The following SCFD2 variants were observed in gnomAD, a reference collection of about 807,000 sequenced individuals.
The protein encoded by SCFD2 is sec1 family domain-containing protein 2.
In SCFD2, 54 loss-of-function variants were observed where a neutral mutation model predicts 58.9. The observed-to-expected ratio is 0.92, with a 90% confidence interval of 0.74 to 1.15. SCFD2 has a LOEUF of 1.15. SCFD2 is among the 50% of genes most tolerant of loss of function. The probability of loss-of-function intolerance (pLI) is 0.00; values close to 1 mark genes in which losing one functional copy is unlikely to be tolerated. For synonymous variants in SCFD2, 321 were observed against 335.9 expected (o/e 0.96, Z 0.49); for missense variants, 805 against 836.6 (o/e 0.96, Z 0.47).
At chr4:53,255,844 G>T (rs1730595516) in intron 4 of SCFD2, among the ~76,000 whole-genome samples, 1 of 149,478 alleles carries the variant, frequency 6.7e-6, no homozygotes, top group African/African-American at 2.5e-5. Flanking sequence ...GCGGGGGGCT[G>T]ACCCCCCCAC....
At chr4:52,935,984 T>C (rs1211796959) in intron 5 of SCFD2, among the ~76,000 whole-genome samples, 3 of 152,064 alleles carry the variant, frequency 2.0e-5, no homozygotes, top group East Asian at 3.9e-4. Context: ...ATTACAGGCA[T>C]GCACCACCAC....
chr4:53,246,293 C>T (rs1402517245), intron 4 of SCFD2, among the ~76,000 whole-genome samples: 1 of 152,128 alleles, frequency 6.6e-6, no homozygotes, highest in Non-Finnish European at 1.5e-5. Flanking sequence ...AGATTCAATG[C>T]TATTTCTATC....
At chr4:53,115,152 AATGTAAGTG>A (rs1725285193) in intron 5 of SCFD2, among the ~76,000 whole-genome samples, 1 of 152,136 alleles carries the variant, frequency 6.6e-6, no homozygotes, top group East Asian at 1.9e-4. Flanking sequence ...AGTTACAATA[AATGTAAGTG>A]GTCTACACAC....
At chr4:53,257,929 A>G (rs1166403091) in intron 4 of SCFD2, among the ~76,000 whole-genome samples, 1 of 152,218 alleles carries the variant, frequency 6.6e-6, no homozygotes, top group Non-Finnish European at 1.5e-5. Flanking sequence ...CAGGATCAAT[A>G]AAGAAAAAAA....
At chr4:53,001,792 T>C (rs1255406420) in intron 5 of SCFD2, among the ~76,000 whole-genome samples, 1 of 152,254 alleles carries the variant, frequency 6.6e-6, no homozygotes, top group Non-Finnish European at 1.5e-5. Context: ...TTGTGCTAGA[T>C]ACTTTACCTA....
chr4:52,982,305 G>A (rs1248123608), intron 5 of SCFD2, among the ~76,000 whole-genome samples: 1 of 152,176 alleles, frequency 6.6e-6, no homozygotes, highest in Non-Finnish European at 1.5e-5. Context: ...TTGTGATGTA[G>A]TTTGTACACG....
In SCFD2 at chr4:52,962,890, T is replaced by C. The variant is rs183087343; in HGVS notation, c.1562-42020A>G. 1.6e-4 allele frequency among the ~76,000 whole-genome samples: 24 copies of C among 152,324 alleles called. No individual in the cohort carries two copies. The East Asian group carries it at 4.6e-3, about 29-fold the overall frequency. On this transcript the variant is annotated intron_variant, in intron 5 of 8. Coordinates refer to ENST00000401642, the MANE Select transcript of SCFD2 (RefSeq NM_152540.4). ...TACTATCATGGTCATTGTGAATCTT[T>C]CTTTTCCAAATTAATTATCTCTGTG...
intron 5 of SCFD2, among the ~76,000 whole-genome samples, chr4:53,095,844 A>G (rs1724609335): frequency 6.6e-6 from 1 of 151,702 alleles, no homozygotes; most frequent in South Asian, 2.1e-4. Context: ...TACATTAGGT[A>G]TATATCCTAA....
intron 5 of SCFD2, among the ~76,000 whole-genome samples, chr4:53,140,392 A>AATATATATATATATATATATATATATAT (rs1553880149): frequency 2.1e-5 from 2 of 97,496 alleles, no homozygotes; most frequent in Non-Finnish European, 4.0e-5. Context: ...CAAAAATGCT[A>AATATATATATATATATATATATATATAT]ATATATATAT....
chr4:53,324,710 G>A (rs190795370), intron 2 of SCFD2, among the ~76,000 whole-genome samples: 38 of 152,166 alleles, frequency 2.5e-4, no homozygotes, highest in African/African-American at 7.0e-4. Context: ...CTGGTTGTCC[G>A]GTACATGGCG....
chr4:53,165,512 C>T (rs1317097604), intron 4 of SCFD2, among the ~76,000 whole-genome samples: 1 of 152,146 alleles, frequency 6.6e-6, no homozygotes, highest in Non-Finnish European at 1.5e-5. Flanking sequence ...CCCTACATGA[C>T]CAGCTTTGCC....
intron 4 of SCFD2, among the ~76,000 whole-genome samples, chr4:53,179,782 C>T (rs1727479402): frequency 6.6e-6 from 1 of 151,992 alleles, no homozygotes; most frequent in South Asian, 2.1e-4. Context: ...CACACATAGG[C>T]TCAAAATAAA....
chr4:53,250,247 C>A (rs34426398), intron 4 of SCFD2, among the ~76,000 whole-genome samples: 1 of 151,514 alleles, frequency 6.6e-6, no homozygotes, highest in East Asian at 1.9e-4. Context: ...ACAAGAAGAA[C>A]TAACTATCCT....
intron 6 of SCFD2, among the ~76,000 whole-genome samples, chr4:52,908,497 C>G (rs1305361855): frequency 6.6e-6 from 1 of 152,156 alleles, no homozygotes; most frequent in Non-Finnish European, 1.5e-5. Flanking sequence ...ACTCTCTGAT[C>G]TATTATAGCT....
intron 5 of SCFD2, among the ~76,000 whole-genome samples, chr4:53,040,541 T>C (rs1313482946): frequency 6.6e-6 from 1 of 152,162 alleles, no homozygotes; most frequent in Non-Finnish European, 1.5e-5. Context: ...CTTGCTAGTC[T>C]GTAAAATGGA....
intron 3 of SCFD2, among the ~76,000 whole-genome samples, chr4:53,299,549 C>T (rs574297794): frequency 3.2e-3 from 494 of 152,030 alleles, no homozygotes; most frequent in African/African-American, 0.011. Context: ...GAGAACTTCC[C>T]CAATCTAGCA....
chr4:53,299,310 G>C (rs1258388620), intron 3 of SCFD2, among the ~76,000 whole-genome samples: 1 of 152,238 alleles, frequency 6.6e-6, no homozygotes, highest in Non-Finnish European at 1.5e-5. Context: ...AAAAGCCTCA[G>C]TAACTGATGT....
intron 5 of SCFD2, among the ~76,000 whole-genome samples, chr4:52,967,028 C>T (rs952810455): frequency 6.6e-6 from 1 of 152,200 alleles, no homozygotes; most frequent in African/African-American, 2.4e-5. Context: ...ACCTGGCAAA[C>T]ACCATCCATT....
chr4:53,264,614 G>C (rs1013135619), intron 4 of SCFD2, among the ~76,000 whole-genome samples: 1 of 152,170 alleles, frequency 6.6e-6, no homozygotes, highest in African/African-American at 2.4e-5. Context: ...GGGTGTTGGT[G>C]AAGTCAGGAA....
Sources: allele counts gnomAD v4.1 joint callset (sites outside exome capture counted in the v4.1 genomes callset), GRCh38; gene constraint gnomAD v4.1.1; transcripts MANE v1.5; gene names NCBI Gene and HGNC (gene_info 2026-07-23, HGNC 2026-07-21).